The following ANKHD1 variants were observed in gnomAD, a reference collection of about 807,000 sequenced individuals.
ANKHD1 encodes ankyrin repeat and KH domain containing 1, also known as ankyrin repeat and KH domain-containing protein 1.
Under a neutral mutation model 230.5 loss-of-function variants are expected in ANKHD1, and 31 were observed. That is an observed-to-expected ratio of 0.13 (90% CI 0.10 to 0.18). The LOEUF is 0.18. ANKHD1 is among the 10% of genes least tolerant of loss of function. The probability of loss-of-function intolerance (pLI) is 1.00; values close to 1 mark genes in which losing one functional copy is unlikely to be tolerated. For missense variants in ANKHD1, 2,256 were observed against 3,071.3 expected (o/e 0.73, Z 6.27); for synonymous variants, 1,074 against 1,117.6 (o/e 0.96, Z 0.78).
At chr5:140,533,630 T>C (rs1023929370) in intron 29 of ANKHD1, among the ~76,000 whole-genome samples, 2 of 151,144 alleles carry the variant, frequency 1.3e-5, no homozygotes, top group South Asian at 2.1e-4. Flanking sequence ...ATAAATTAGC[T>C]CAGTGTGGTG....
chr5:140,514,648 TATAAG>T (rs1028072697), intron 24 of ANKHD1, among the ~76,000 whole-genome samples: 1 of 152,122 alleles, frequency 6.6e-6, no homozygotes, highest in African/African-American at 2.4e-5. Context: ...TGAGCCCAAA[TATAAG>T]GGAAGGACTA....
chr5:140,502,065 A>G lies in ANKHD1; in HGVS notation c.3005-2756A>G, dbSNP rs900596572. 4.6e-5 allele frequency among the ~76,000 whole-genome samples: 7 copies of G among 151,650 alleles called. No individual in the cohort carries two copies. The East Asian group carries it at 5.8e-4, about 13-fold the overall frequency. On this transcript the variant is annotated intron_variant, in intron 15 of 33. Coordinates refer to ENST00000360839, the MANE Select transcript of ANKHD1 (RefSeq NM_017747.3). ...AAAAAAAAAAAAAAAAGCATACCGT[A>G]TAAGTTTAATTTGAATTATATATAG...
At chr5:140,429,550 A>G (rs1404109945) in intron 1 of ANKHD1, among the ~76,000 whole-genome samples, 1 of 152,168 alleles carries the variant, frequency 6.6e-6, no homozygotes, top group Non-Finnish European at 1.5e-5. Flanking sequence ...TTTCATTTAT[A>G]TTTAAGAGCT....
chr5:140,444,815 C>T (rs751336417), intron 5 of ANKHD1, among the ~76,000 whole-genome samples: 4 of 151,994 alleles, frequency 2.6e-5, no homozygotes, highest in Non-Finnish European at 4.4e-5. Context: ...ATTTGGAGTC[C>T]CCTCAGTTAT....
In ANKHD1 at chr5:140,507,988, A is replaced by G; in HGVS notation, c.3755A>G (p.His1252Arg). 1 of 1,613,692 alleles carries G rather than the reference A, an allele frequency of 6.2e-7. No homozygotes were observed. Among genetic ancestry groups the G allele is most frequent in the Non-Finnish European group, 8.5e-7 (1 of 1,179,634 alleles). Residue 1252 changes from histidine to arginine, a missense_variant, in exon 20 of 34, where the codon CAT (histidine) becomes CGT (arginine). By Grantham distance (29) the His-to-Arg change is conservative (BLOSUM62 0). Transcript: ENST00000360839. The surrounding 1 kb of genome is among the most constrained non-coding windows in gnomAD (Gnocchi z 4.1). ...LLLDRKANVE[H>R]RAKTGLTPLM... The stretch of plus-strand genomic sequence containing the variant: ...CTGGACCGAAAAGCCAATGTTGAAC[A>G]TAGGGCAAAGGTAAGCATTTTTTAC...
intron 15 of ANKHD1, among the ~76,000 whole-genome samples, chr5:140,498,795 T>C (rs1752148763): frequency 6.6e-6 from 1 of 152,112 alleles, no homozygotes; most frequent in South Asian, 2.1e-4. Flanking sequence ...ATGTTCCTAA[T>C]TAAGTGCACA....
At chr5:140,477,902 G>A (rs753116566) in intron 10 of ANKHD1, among the ~76,000 whole-genome samples, 6 of 152,110 alleles carry the variant, frequency 3.9e-5, no homozygotes, top group African/African-American at 7.2e-5. Flanking sequence ...GAGCCGCCGC[G>A]CCAAGCCAGG....
chr5:140,439,398 T>C, intron 3 of ANKHD1, among the ~76,000 whole-genome samples: 1 of 152,106 alleles, frequency 6.6e-6, no homozygotes, highest in Non-Finnish European at 1.5e-5. Flanking sequence ...AGGCCAGGCA[T>C]GGTGGCTCAT....
chr5:140,422,581 G>A (rs1368651413), intron 1 of ANKHD1, among the ~76,000 whole-genome samples: 2 of 151,834 alleles, frequency 1.3e-5, no homozygotes, highest in African/African-American at 4.8e-5. Flanking sequence ...TTTATGTTCT[G>A]GGCGGATCGT....
At chr5:140,523,616 G>A (rs1357156547) in intron 24 of ANKHD1, among the ~76,000 whole-genome samples, 3 of 150,196 alleles carry the variant, frequency 2.0e-5, no homozygotes, top group East Asian at 2.0e-4. Context: ...GCTGGAGTGC[G>A]GTGCCATGAT....
chr5:140,402,364 T>C, intron 1 of ANKHD1, 91 bp downstream of exon 1: 1 of 1,372,074 alleles, frequency 7.3e-7, no homozygotes, highest in Non-Finnish European at 9.4e-7. Context: ...CCCGCTTCCC[T>C]GGTGGAGCCC....
chr5:140,493,157 G>A (rs1751881333), intron 14 of ANKHD1, among the ~76,000 whole-genome samples: 1 of 152,186 alleles, frequency 6.6e-6, no homozygotes, highest in South Asian at 2.1e-4. Flanking sequence ...TGCCTCCTGG[G>A]TTCAAGCGAT....
chr5:140,529,244 T>C lies in ANKHD1; in HGVS notation c.6298T>C (p.Ser2100Pro). ...TATGTCAATGCCTTTTGCATCTAACTCAGAACCTGCTCCATTGACTTTGAC... is the reference window on the plus strand; with the variant it reads ...TATGTCAATGCCTTTTGCATCTAACCCAGAACCTGCTCCATTGACTTTGAC... Reference protein sequence around the residue: ...SPMSMPFASNSEPAPLTLTSP... With the variant: ...SPMSMPFASNPEPAPLTLTSP... The change falls in exon 29 of 34, where the codon TCA becomes CCA. Residue 2100 changes from serine to proline, a missense_variant. Around this residue, in one of 13 missense-constraint regions of ANKHD1, gnomAD observed 778 missense variants for 966.5 expected, o/e 0.80. Transcript: ENST00000360839. The C allele has an allele frequency of 6.2e-7, 1 of 1,614,234 alleles. No individual in the cohort carries two copies. Among genetic ancestry groups the C allele is most frequent in the Non-Finnish European group, 8.5e-7 (1 of 1,180,038 alleles).
intron 1 of ANKHD1, among the ~76,000 whole-genome samples, chr5:140,405,009 GTGTGTA>G (rs1392558778): frequency 1.0e-3 from 122 of 122,366 alleles, no homozygotes; most frequent in African/African-American, 3.0e-3. Context: ...GTGTGTGTGT[GTGTGTA>G]TGTGTAATGG....
intron 10 of ANKHD1, among the ~76,000 whole-genome samples, chr5:140,474,599 T>C (rs909141060): frequency 7.7e-5 from 10 of 130,326 alleles, no homozygotes; most frequent in South Asian, 2.3e-4. Context: ...TTTTTTCTTC[T>C]TTTTTTTTTT....
Position 140,459,170 on chromosome 5 carries a change from A to C in ANKHD1, c.1487A>C (p.Asn496Thr). Reference sequence around the variant, plus strand: ...TGTTTTTATACTTTCCTAGGAGCAAATATAAATGCCCAGACAGAAGAAACT... The same window carrying C: ...TGTTTTTATACTTTCCTAGGAGCAACTATAAATGCCCAGACAGAAGAAACT... ...MVALLLAQGANINAQTEETQE... is the reference protein window; with the variant it reads ...MVALLLAQGATINAQTEETQE... The change falls in exon 9 of 34, where the codon AAT becomes ACT. Residue 496 changes from asparagine to threonine, a missense_variant. Coordinates refer to ENST00000360839, the MANE Select transcript of ANKHD1 (RefSeq NM_017747.3). 6 of 1,580,410 alleles carry C rather than the reference A, an allele frequency of 3.8e-6. No individual in the cohort carries two copies. Among genetic ancestry groups the C allele is most frequent in the Non-Finnish European group, 5.2e-6 (6 of 1,161,110 alleles).
intron 1 of ANKHD1, 150 bp downstream of exon 1, chr5:140,402,423 C>T: frequency 2.7e-6 from 3 of 1,120,790 alleles, no homozygotes; most frequent in South Asian, 3.7e-5. Flanking sequence ...CGGTGAGGGC[C>T]TAGTGAGCCC....
chr5:140,524,123 A>G lies in ANKHD1; in HGVS notation c.4375A>G (p.Lys1459Glu). ...LAAKREKRKE[K>E]RKKKKEEQKR... ...TGCTAAAAGAGAAAAAAGAAAAGAA[A>G]AGAGAAAAAAGAAAAAAGAGGAACA... The change falls in exon 25 of 34, where the codon AAG (lysine) becomes GAG (glutamate). Residue 1459 changes from lysine to glutamate, a missense_variant. Lys to Glu is a moderately conservative substitution (Grantham distance 56). Transcript: ENST00000360839. 1 of 1,594,356 alleles carries G rather than the reference A, an allele frequency of 6.3e-7. No individual in the cohort carries two copies. Among genetic ancestry groups the G allele is most frequent in the South Asian group, 1.2e-5 (1 of 85,548 alleles).
rs1251323746 is a variant in ANKHD1 at position 140,510,057 on chromosome 5, C to T, written c.3980C>T (p.Thr1327Met). ...HIDVRNKKGN[T>M]PLWLASNGGH... ...GATGTTCGTAACAAAAAGGGAAATA[C>T]GCCACTTTGGCTGGCATCCAATGGA... The change falls in exon 22 of 34, where the codon ACG (threonine) becomes ATG (methionine). Residue 1327 changes from threonine to methionine, a missense_variant. Thr to Met is a moderately conservative substitution (Grantham distance 81, BLOSUM62 -1). Coordinates refer to ENST00000360839, the MANE Select transcript of ANKHD1 (RefSeq NM_017747.3). 1.1e-5 allele frequency: 18 copies of T among 1,613,932 alleles called. No homozygotes were observed. Among genetic ancestry groups the T allele is most frequent in the South Asian group, 3.3e-5 (3 of 91,058 alleles).
Sources: allele counts gnomAD v4.1 joint callset (sites outside exome capture counted in the v4.1 genomes callset), GRCh38; gene constraint gnomAD v4.1.1; regional missense constraint gnomAD v4.1.1; non-coding constraint Gnocchi (gnomAD v3.1); transcripts MANE v1.5; gene names NCBI Gene and HGNC (gene_info 2026-07-23, HGNC 2026-07-21).